ZDHHC21: variants seen among roughly 807,000 people sequenced by gnomAD.
The protein encoded by ZDHHC21 is zDHHC palmitoyltransferase 21, also known as palmitoyltransferase ZDHHC21.
ZDHHC21 carries 15 observed loss-of-function variants against 34.6 expected under a neutral mutation model. The observed-to-expected ratio is 0.43, with a 90% confidence interval of 0.29 to 0.67. The LOEUF (loss-of-function observed/expected upper bound fraction) is 0.67. Among genes scored for constraint, ZDHHC21 ranks in the 30% least tolerant of loss-of-function variants. ZDHHC21 has a pLI of 0.14. For synonymous variants in ZDHHC21, 142 were observed against 101.8 expected (o/e 1.40, Z -2.38); for missense variants, 344 against 327.7 (o/e 1.05, Z -0.38).
Position 14,618,770 on chromosome 9 carries a change from A to C in ZDHHC21, c.*196T>G. ...CTAATTTGAAAGTAAACATGCTTTAAAACTTAAATATAGATCTTGTATTAG... is the reference window on the plus strand; with the variant it reads ...CTAATTTGAAAGTAAACATGCTTTACAACTTAAATATAGATCTTGTATTAG... On this transcript the variant is annotated 3_prime_UTR_variant, in exon 10 of 10. Transcript: ENST00000380916. The C allele has an allele frequency of 4.1e-6, 2 of 485,042 alleles. No individual in the cohort carries two copies. The highest frequency in any genetic ancestry group is 6.5e-6 in the Non-Finnish European group (2 of 306,862). The allele number at this position is 485,042 out of a possible 1,614,324, so 30.0% of individuals were successfully genotyped here. A position where few individuals can be genotyped will look rare whatever the true frequency, so the allele number is the denominator to read the frequency against.
At chr9:14,598,843 C>G in the ZDHHC21 span, among the ~76,000 whole-genome samples, 5 of 152,260 alleles carry the variant, frequency 3.3e-5, no homozygotes, top group African/African-American at 1.2e-4. Context: ...CAGCCTCAAC[C>G]TCTCCCAGCA....
chr9:14,686,145 T>C (rs530842860), intron 2 of ZDHHC21, among the ~76,000 whole-genome samples: 2 of 151,860 alleles, frequency 1.3e-5, no homozygotes, highest in Non-Finnish European at 2.9e-5. Flanking sequence ...ATGGCACATG[T>C]ACACCTATGT....
chr9:14,601,857 G>A, the ZDHHC21 span, among the ~76,000 whole-genome samples: 1 of 152,152 alleles, frequency 6.6e-6, no homozygotes, highest in South Asian at 2.1e-4. Context: ...GGACATGGAT[G>A]AAGCTGGAAA....
At chr9:14,589,790 T>A in the ZDHHC21 span, 1 of 152,164 alleles carries the variant, frequency 6.6e-6, no homozygotes, top group East Asian at 1.9e-4. Context: ...AAAACAAGTC[T>A]CAGAATGATC....
the ZDHHC21 span, among the ~76,000 whole-genome samples, chr9:14,605,207 T>TC: frequency 1.3e-5 from 2 of 149,398 alleles, no homozygotes; most frequent in Admixed American, 1.3e-4. Context: ...TGGTTTCATT[T>TC]TTTTTTTTTT....
At chr9:14,648,217 A>T (rs905287576) in intron 7 of ZDHHC21, among the ~76,000 whole-genome samples, 1 of 152,100 alleles carries the variant, frequency 6.6e-6, no homozygotes, top group Non-Finnish European at 1.5e-5. Flanking sequence ...AAACGCTTCT[A>T]CCACTACTAA....
intron 5 of ZDHHC21, among the ~76,000 whole-genome samples, chr9:14,664,621 G>C (rs1383894359): frequency 6.6e-6 from 1 of 150,674 alleles, no homozygotes; most frequent in Non-Finnish European, 1.5e-5. Flanking sequence ...TAGCTTTGAA[G>C]AGAGCAGTGG....
chr9:14,682,687 C>G (rs538490498), intron 2 of ZDHHC21, among the ~76,000 whole-genome samples: 1 of 152,142 alleles, frequency 6.6e-6, no homozygotes, highest in African/African-American at 2.4e-5. Flanking sequence ...CCAAGAGGAC[C>G]TAATAGACAT....
intron 3 of ZDHHC21, among the ~76,000 whole-genome samples, chr9:14,675,865 T>C (rs1836281654): frequency 6.6e-6 from 1 of 151,936 alleles, no homozygotes; most frequent in African/African-American, 2.4e-5. Context: ...AAAAGTTATC[T>C]AAGCAATGAA....
chr9:14,664,150 G>A (rs963243285), intron 5 of ZDHHC21, among the ~76,000 whole-genome samples: 24 of 151,900 alleles, frequency 1.6e-4, no homozygotes, highest in Admixed American at 3.9e-4. Flanking sequence ...CAGCGGGTGC[G>A]CGCACCGTGC....
chr9:14,601,684 G>A, the ZDHHC21 span, among the ~76,000 whole-genome samples: 1 of 152,142 alleles, frequency 6.6e-6, no homozygotes, highest in Non-Finnish European at 1.5e-5. Flanking sequence ...CTACTATAAA[G>A]ACACATGTGC....
chr9:14,662,919 G>A (rs1833667478), intron 5 of ZDHHC21, among the ~76,000 whole-genome samples: 1 of 152,026 alleles, frequency 6.6e-6, no homozygotes, highest in South Asian at 2.1e-4. Flanking sequence ...GGGTTTGGGA[G>A]GTATCAGAAT....
intron 5 of ZDHHC21, among the ~76,000 whole-genome samples, chr9:14,669,682 T>G (rs1178035953): frequency 1.4e-5 from 2 of 147,572 alleles, no homozygotes; most frequent in Non-Finnish European, 1.5e-5. Flanking sequence ...CCATAAAAAA[T>G]GATGAGTTCA....
the ZDHHC21 span, among the ~76,000 whole-genome samples, chr9:14,592,931 G>A: frequency 1.3e-5 from 2 of 152,024 alleles, no homozygotes; most frequent in Non-Finnish European, 2.9e-5. Flanking sequence ...TCAAACAACA[G>A]ATCAAATGGG....
chr9:14,605,076 G>T, the ZDHHC21 span, among the ~76,000 whole-genome samples: 1 of 151,984 alleles, frequency 6.6e-6, no homozygotes, highest in African/African-American at 2.4e-5. Context: ...TCCATTGTAC[G>T]TATATACTAA....
chr9:14,627,341 T>G (rs756210964), intron 8 of ZDHHC21, among the ~76,000 whole-genome samples: 1 of 152,174 alleles, frequency 6.6e-6, no homozygotes, highest in African/African-American at 2.4e-5. Context: ...TAAGTAAACA[T>G]TAACTTGCTG....
downstream of ZDHHC21, among the ~76,000 whole-genome samples, chr9:14,606,501 T>C (rs1227263723): frequency 6.6e-6 from 1 of 152,164 alleles, no homozygotes; most frequent in Non-Finnish European, 1.5e-5. Context: ...TTGATTGCAG[T>C]TGCCAGCCAT....
At chr9:14,661,490 T>G (rs1715761202) in intron 6 of ZDHHC21, among the ~76,000 whole-genome samples, 1 of 152,218 alleles carries the variant, frequency 6.6e-6, no homozygotes, top group African/African-American at 2.4e-5. Context: ...AGTTTAAATA[T>G]TTATACAGAG....
At chr9:14,639,605 A>G (rs1828958562) in intron 8 of ZDHHC21, among the ~76,000 whole-genome samples, 1 of 152,140 alleles carries the variant, frequency 6.6e-6, no homozygotes, top group Non-Finnish European at 1.5e-5. Flanking sequence ...ACAGATACTC[A>G]TATGTACCCC....
Sources: allele counts gnomAD v4.1 joint callset (sites outside exome capture counted in the v4.1 genomes callset), GRCh38; gene constraint gnomAD v4.1.1; transcripts MANE v1.5; gene names NCBI Gene and HGNC (gene_info 2026-07-23, HGNC 2026-07-21).